Variants in MSANTD7 observed in about 807,000 individuals in gnomAD.
The protein encoded by MSANTD7 is Myb/SANT DNA binding domain containing 7, also known as zinc finger and SCAN domain containing 29.
At chr10:14,846,545 T>C in the MSANTD7 span, 1 of 985,350 alleles carries the variant, frequency 1.0e-6, no homozygotes, top group African/African-American at 1.7e-5. Context: ...AAGCCAGGAA[T>C]CTGCCTATGT....
the MSANTD7 span, chr10:14,845,410 A>G: frequency 2.0e-6 from 2 of 985,256 alleles, no homozygotes; most frequent in African/African-American, 1.7e-5. Flanking sequence ...AGAAATGGTC[A>G]GAGCAGCAGT....
At chr10:14,844,499 C>G in the MSANTD7 span, 11 of 754,588 alleles carry the variant, frequency 1.5e-5, no homozygotes, top group African/African-American at 3.2e-5. Context: ...ACTATAAGCA[C>G]AACCTGTATT....
chr10:14,846,460 A>G, the MSANTD7 span: 4 of 985,364 alleles, frequency 4.1e-6, no homozygotes, highest in South Asian at 1.9e-4. Flanking sequence ...GGTCTTGAAT[A>G]AGTACACAGA....
the MSANTD7 span, chr10:14,838,557 A>G: frequency 1.6e-6 from 2 of 1,239,576 alleles, no homozygotes; most frequent in Middle Eastern, 2.6e-4. Context: ...TCGCCGGCCT[A>G]GGGATGTCGT....
chr10:14,842,900 A>T, the MSANTD7 span: 1 of 1,241,252 alleles, frequency 8.1e-7, no homozygotes, highest in Non-Finnish European at 1.1e-6. The surrounding 1 kb of genome is among the most constrained non-coding windows in gnomAD (Gnocchi z 5.2). Context: ...GGCTCTAAAC[A>T]TTTAGCTGTG....
chr10:14,839,772 A>G, the MSANTD7 span: 3 of 507,518 alleles, frequency 5.9e-6, no homozygotes, highest in South Asian at 8.8e-5. Context: ...TTAAATGGTA[A>G]TTAAATTTGC....
chr10:14,845,908 A>T, the MSANTD7 span: 2 of 551,178 alleles, frequency 3.6e-6, no homozygotes, highest in Non-Finnish European at 2.3e-6. Flanking sequence ...GATTTGTATT[A>T]GATTTTTTTT....
chr10:14,844,607 G>A, the MSANTD7 span: 6 of 985,272 alleles, frequency 6.1e-6, no homozygotes, highest in Non-Finnish European at 7.2e-6. Context: ...CATTTTACTG[G>A]TTCTTAGTCT....
the MSANTD7 span, chr10:14,844,659 T>C: frequency 1.0e-6 from 1 of 981,868 alleles, no homozygotes; most frequent in Non-Finnish European, 1.2e-6. Context: ...GGAGCCGCCA[T>C]TGTGTGTTAC....
the MSANTD7 span, among the ~76,000 whole-genome samples, chr10:14,840,399 C>T: frequency 1.3e-5 from 2 of 152,100 alleles, no homozygotes; most frequent in Non-Finnish European, 2.9e-5. Flanking sequence ...TAATTTGCGT[C>T]AGAGGTGGTA....
At chr10:14,838,462 G>A in the MSANTD7 span, 1 of 1,602,526 alleles carries the variant, frequency 6.2e-7, no homozygotes, top group South Asian at 1.1e-5. Context: ...TCTATAAGGT[G>A]AGGGGCTGCG....
At chr10:14,838,554 C>A in the MSANTD7 span, 1 of 1,250,984 alleles carries the variant, frequency 8.0e-7, no homozygotes, top group Non-Finnish European at 1.1e-6. Context: ...GTGTCGCCGG[C>A]CTAGGGATGT....
At chr10:14,842,249 G>T in the MSANTD7 span, 9 of 1,535,182 alleles carry the variant, frequency 5.9e-6, no homozygotes, top group Non-Finnish European at 7.9e-6. The surrounding 1 kb of genome is among the most constrained non-coding windows in gnomAD (Gnocchi z 5.2). Context: ...GCACCTTGCT[G>T]TCCAGAAGCT....
chr10:14,842,784 T>C, the MSANTD7 span: 20 of 1,536,390 alleles, frequency 1.3e-5, no homozygotes, highest in Non-Finnish European at 1.7e-5. The surrounding 1 kb of genome is among the most constrained non-coding windows in gnomAD (Gnocchi z 5.2). Context: ...CAGCTAAGAA[T>C]CAGTGACCGG....
chr10:14,845,321 T>C, the MSANTD7 span: 1 of 984,958 alleles, frequency 1.0e-6, no homozygotes. Flanking sequence ...TAACAAAGAG[T>C]GGGCATGTTG....
chr10:14,842,388 CTG>C, the MSANTD7 span: 1 of 1,536,042 alleles, frequency 6.5e-7, no homozygotes, highest in African/African-American at 1.4e-5. The surrounding 1 kb of genome is among the most constrained non-coding windows in gnomAD (Gnocchi z 5.2). Flanking sequence ...CGCCTCCAGA[CTG>C]TGCATCACAA....
chr10:14,840,056 ATATTAT>A, the MSANTD7 span: 5 of 1,196,512 alleles, frequency 4.2e-6, no homozygotes, highest in East Asian at 2.7e-5. Context: ...ATATATATAT[ATATTAT>A]TTTTTTTTTC....
chr10:14,844,639 G>A, the MSANTD7 span: 1 of 984,418 alleles, frequency 1.0e-6, no homozygotes, highest in South Asian at 4.7e-5. Flanking sequence ...AAGGAAATAA[G>A]AAGTGCCAGG....
chr10:14,839,820 A>G, the MSANTD7 span: 4 of 928,178 alleles, frequency 4.3e-6, no homozygotes, highest in South Asian at 7.0e-5. Context: ...TTCTTTCCAC[A>G]CAGATGGCAA....
Sources: gnomAD v4.1 joint callset for allele counts (sites outside exome capture counted in the v4.1 genomes callset) on GRCh38, gnomAD v4.1.1 for gene constraint, Gnocchi (gnomAD v3.1) non-coding constraint, MANE v1.5 for transcripts, NCBI Gene and HGNC (gene_info 2026-07-23, HGNC 2026-07-21) for gene names.